AAGAB: variants seen among roughly 807,000 people sequenced by gnomAD.
The protein encoded by AAGAB is alpha- and gamma-adaptin-binding protein p34.
A neutral mutation model predicts 44.1 loss-of-function variants in AAGAB; 38 were observed. The observed-to-expected ratio is 0.86, with a 90% CI of 0.67 to 1.13. The LOEUF is 1.13. Among genes scored for constraint, AAGAB ranks in the 50% most tolerant of loss-of-function variants. AAGAB has a pLI of 0.00. For missense variants in AAGAB, 450 were observed against 373.8 expected (o/e 1.20, Z -1.68); for synonymous variants, 131 against 131.8 (o/e 0.99, Z 0.04).
In AAGAB at chr15:67,222,599, T is replaced by C. The variant is rs1012274292; in HGVS notation, c.535+9215A>G. ...CCACAAACCCCCTTTCCCATGTCTT[T>C]CTAGGTTTATTTTCCTCCTCCTGTG... is the stretch of plus-strand genomic sequence containing the variant. On this transcript the variant is annotated intron_variant, in intron 5 of 9. Transcript: ENST00000261880. 2.0e-5 allele frequency among the ~76,000 whole-genome samples: 3 copies of C among 152,076 alleles called. 1 individual carries two copies. Among genetic ancestry groups the C allele is most frequent in the Non-Finnish European group, 4.4e-5 (3 of 68,028 alleles).
intron 5 of AAGAB, among the ~76,000 whole-genome samples, chr15:67,213,459 A>C (rs1189033306): frequency 6.6e-6 from 1 of 152,226 alleles, no homozygotes; most frequent in African/African-American, 2.4e-5. Context: ...TGCATCTCTC[A>C]TAGCAATTTT....
At chr15:67,229,821 T>C (rs1215778501) in intron 5 of AAGAB, among the ~76,000 whole-genome samples, 1 of 151,990 alleles carries the variant, frequency 6.6e-6, no homozygotes, top group Admixed American at 6.6e-5. Flanking sequence ...GTAAGCTCAC[T>C]GTAAAACATG....
chr15:67,233,393 A>G (rs1444799344), intron 4 of AAGAB, among the ~76,000 whole-genome samples: 1 of 152,220 alleles, frequency 6.6e-6, no homozygotes, highest in Non-Finnish European at 1.5e-5. Flanking sequence ...AAAAGGTGGT[A>G]TTCTTAACTA....
upstream of AAGAB, chr15:67,254,807 G>T (rs578254920): frequency 7.0e-7 from 1 of 1,430,952 alleles, no homozygotes. Context: ...GGTCGCGCGC[G>T]GTGTTGCCAT....
chr15:67,224,585 CTT>C (rs892410820), intron 5 of AAGAB, among the ~76,000 whole-genome samples: 5 of 138,810 alleles, frequency 3.6e-5, no homozygotes, highest in African/African-American at 7.9e-5. Context: ...TTTTTCTTTT[CTT>C]TTTTTTTTTT....
chr15:67,223,549 CT>C (rs1175818542), intron 5 of AAGAB, among the ~76,000 whole-genome samples: 2 of 152,166 alleles, frequency 1.3e-5, no homozygotes, highest in Non-Finnish European at 2.9e-5. Context: ...TTTCTTACCC[CT>C]TTCATTGCCC....
chr15:67,227,728 T>C (rs56317520), intron 5 of AAGAB, among the ~76,000 whole-genome samples: 2,955 of 152,268 alleles, frequency 0.019, 40 homozygotes, highest in Middle Eastern at 0.082. Context: ...AAGAGTAGTA[T>C]GACCCACCAT....
chr15:67,236,950 T>C, intron 1 of AAGAB, 130 bp from the exon 2 acceptor site: 1 of 646,646 alleles, frequency 1.5e-6, no homozygotes, highest in South Asian at 2.3e-5. Flanking sequence ...CAAAGGACCC[T>C]GCATTTATTA....
intron 5 of AAGAB, among the ~76,000 whole-genome samples, chr15:67,215,882 C>A (rs967911200): frequency 6.6e-6 from 1 of 152,076 alleles, no homozygotes; most frequent in African/African-American, 2.4e-5. Flanking sequence ...AAAGGGCAAA[C>A]TTTGAAATCC....
chr15:67,246,092 C>T (rs1964714215), intron 1 of AAGAB, among the ~76,000 whole-genome samples: 1 of 152,134 alleles, frequency 6.6e-6, no homozygotes, highest in Non-Finnish European at 1.5e-5. Flanking sequence ...TTAATAGTTT[C>T]ACAACAGGCC....
chr15:67,216,411 C>T lies in AAGAB; in HGVS notation c.536-6867G>A, dbSNP rs187278394. 3.8e-3 allele frequency among the ~76,000 whole-genome samples: 537 copies of T among 141,072 alleles called. 6 individuals are homozygous for T. The highest frequency in any genetic ancestry group is 0.014 in the African/African-American group (512 of 37,664). The allele number at this position is 141,072 out of a possible 152,430, so 92.5% of individuals were successfully genotyped here. ...GAGCCAAGATCATGCCACTGTACTC[C>T]AGCCTGGGTGACAGAGCAAGACTCA... is the stretch of plus-strand genomic sequence containing the variant. On this transcript the variant is annotated intron_variant, in intron 5 of 9. Coordinates refer to ENST00000261880, the MANE Select transcript of AAGAB (RefSeq NM_024666.5).
At chr15:67,241,459 AT>A (rs1964597713) in intron 1 of AAGAB, among the ~76,000 whole-genome samples, 1 of 152,192 alleles carries the variant, frequency 6.6e-6, no homozygotes, top group Non-Finnish European at 1.5e-5. Context: ...CACCCCAGAT[AT>A]GAGTGTCTTT....
Position 67,254,614 on chromosome 15 carries a change from G to C in AAGAB, c.18C>G (p.Pro6=). The C allele has an allele frequency of 1.2e-6, 2 of 1,606,284 alleles. No homozygotes were observed. Among genetic ancestry groups the C allele is most frequent in the South Asian group, 1.1e-5 (1 of 90,090 alleles). MAAGV[P]CALVTSCSSV... ...AGGAGCAGCTGGTGACTAACGCACA[G>C]GGTACGCCAGCAGCCATAGCTGCGC... Residue 6 remains proline (P), a synonymous_variant, in exon 1 of 10, where the codon CCC becomes CCG. Coordinates refer to ENST00000261880, the MANE Select transcript of AAGAB (RefSeq NM_024666.5).
intron 1 of AAGAB, among the ~76,000 whole-genome samples, chr15:67,246,651 CACACCAATCA>C: frequency 6.6e-6 from 1 of 151,672 alleles, no homozygotes; most frequent in Non-Finnish European, 1.5e-5. Flanking sequence ...TCTGTAAAAA[CACACCAATCA>C]GCACTCTGTG....
intron 5 of AAGAB, among the ~76,000 whole-genome samples, chr15:67,214,067 C>A (rs2140351865): frequency 6.6e-6 from 1 of 152,268 alleles, no homozygotes; most frequent in African/African-American, 2.4e-5. Flanking sequence ...TCCATTAAGG[C>A]CAGAGGTCTT....
At chr15:67,246,451 T>C (rs1276377393) in intron 1 of AAGAB, among the ~76,000 whole-genome samples, 2 of 151,910 alleles carry the variant, frequency 1.3e-5, no homozygotes, top group African/African-American at 4.8e-5. Flanking sequence ...TCTTAATCTA[T>C]ATCAATATTG....
upstream of AAGAB, chr15:67,254,800 C>T (rs1965047905): frequency 7.1e-7 from 1 of 1,405,804 alleles, no homozygotes; most frequent in Non-Finnish European, 9.9e-7. Flanking sequence ...CAGGCCAGGT[C>T]GCGCGCGGTG....
At chr15:67,251,215 C>CGTGTGT (rs759231047) in intron 1 of AAGAB, among the ~76,000 whole-genome samples, 20 of 143,630 alleles carry the variant, frequency 1.4e-4, no homozygotes, top group East Asian at 1.3e-3. Flanking sequence ...ATTTTAAGTG[C>CGTGTGT]GTGTGTGTGT....
intron 1 of AAGAB, among the ~76,000 whole-genome samples, chr15:67,246,572 A>G (rs897365063): frequency 3.3e-5 from 5 of 152,170 alleles, no homozygotes; most frequent in African/African-American, 1.2e-4. Context: ...CCTTTGAGAG[A>G]TGAAGCCTGC....
Sources: allele counts gnomAD v4.1 joint callset (sites outside exome capture counted in the v4.1 genomes callset), GRCh38; gene constraint gnomAD v4.1.1; transcripts MANE v1.5; gene names NCBI Gene and HGNC (gene_info 2026-07-23, HGNC 2026-07-21).